DNER: variants seen among roughly 807,000 people sequenced by gnomAD.
DNER encodes delta/notch like EGF repeat containing.
A neutral mutation model predicts 78.2 loss-of-function variants in DNER; 33 were observed. The ratio of observed to expected loss-of-function variants is 0.42; its 90% CI spans 0.32 to 0.56. DNER has a LOEUF of 0.56. Ranked by LOEUF, DNER falls within the 20% of genes least tolerant of loss-of-function variation. DNER has a pLI of 0.11. For synonymous variants in DNER, 417 were observed against 384.8 expected (o/e 1.08, Z -0.98); for missense variants, 918 against 975.3 (o/e 0.94, Z 0.78).
intron 1 of DNER, among the ~76,000 whole-genome samples, chr2:229,703,579 C>G (rs977548624): frequency 6.6e-6 from 1 of 152,102 alleles, no homozygotes; most frequent in Non-Finnish European, 1.5e-5. Flanking sequence ...TTTGAAAGAC[C>G]TTGTTAAGAA....
intron 4 of DNER, among the ~76,000 whole-genome samples, chr2:229,549,272 C>T (rs777156484): frequency 1.3e-5 from 2 of 152,120 alleles, no homozygotes; most frequent in African/African-American, 2.4e-5. Context: ...AACACTTATT[C>T]GATCTTGTGT....
intron 1 of DNER, among the ~76,000 whole-genome samples, chr2:229,650,313 G>A (rs1698793645): frequency 6.6e-6 from 1 of 152,124 alleles, no homozygotes; most frequent in South Asian, 2.1e-4. Context: ...AAGTATCAGA[G>A]CCCAGGTTTT....
chr2:229,388,963 C>A (rs55841748), intron 10 of DNER, among the ~76,000 whole-genome samples: 5,480 of 151,978 alleles, frequency 0.036, 147 homozygotes, highest in Non-Finnish European at 0.061. Context: ...GTGCACCCAG[C>A]CTGAGGCAAT....
intron 1 of DNER, among the ~76,000 whole-genome samples, chr2:229,596,085 G>T (rs1697708826): frequency 1.3e-5 from 2 of 151,642 alleles, no homozygotes; most frequent in African/African-American, 4.8e-5. Context: ...GCTTTTTGAG[G>T]TCCAATTTCT....
chr2:229,506,115 C>T (rs1431081927), intron 6 of DNER, among the ~76,000 whole-genome samples: 1 of 152,116 alleles, frequency 6.6e-6, no homozygotes, highest in Non-Finnish European at 1.5e-5. Flanking sequence ...TGTTCTCATG[C>T]TGCTATGAAG....
intron 1 of DNER, among the ~76,000 whole-genome samples, chr2:229,651,276 T>C (rs1458076751): frequency 2.0e-5 from 3 of 152,156 alleles, no homozygotes; most frequent in African/African-American, 4.8e-5. Flanking sequence ...TTAATGAGAG[T>C]CCATTTCTGT....
At chr2:229,504,347 G>A (rs963904551) in intron 6 of DNER, among the ~76,000 whole-genome samples, 1 of 152,116 alleles carries the variant, frequency 6.6e-6, no homozygotes, top group Non-Finnish European at 1.5e-5. Context: ...AGCCTCCCAA[G>A]TAACTAAGAT....
At chr2:229,516,248 TAA>T (rs1343106875) in intron 5 of DNER, among the ~76,000 whole-genome samples, 2 of 152,204 alleles carry the variant, frequency 1.3e-5, no homozygotes, top group Non-Finnish European at 2.9e-5. Context: ...CCTATAATAT[TAA>T]AAAGTTTGTT....
chr2:229,610,994 T>C (rs1158069908), intron 1 of DNER, among the ~76,000 whole-genome samples: 2 of 152,234 alleles, frequency 1.3e-5, no homozygotes, highest in Non-Finnish European at 2.9e-5. Context: ...GTTTCAACAT[T>C]AGATCCTGTT....
At chr2:229,669,091 T>C (rs955197994) in intron 1 of DNER, among the ~76,000 whole-genome samples, 1 of 151,976 alleles carries the variant, frequency 6.6e-6, no homozygotes, top group African/African-American at 2.4e-5. Flanking sequence ...CTGGAAACCA[T>C]CATTCTCAGC....
intron 5 of DNER, among the ~76,000 whole-genome samples, chr2:229,520,208 C>T (rs998439690): frequency 1.3e-5 from 2 of 152,202 alleles, no homozygotes; most frequent in Non-Finnish European, 2.9e-5. Flanking sequence ...GGCACAGGAT[C>T]TTCTCCTCCT....
intron 1 of DNER, among the ~76,000 whole-genome samples, chr2:229,657,957 T>C (rs1698939833): frequency 6.6e-6 from 1 of 152,136 alleles, no homozygotes; most frequent in African/African-American, 2.4e-5. Context: ...TTATAGGCCT[T>C]AAAAACATGT....
At chr2:229,631,229 A>G (rs1039229921) in intron 1 of DNER, among the ~76,000 whole-genome samples, 5 of 148,376 alleles carry the variant, frequency 3.4e-5, no homozygotes, top group East Asian at 2.0e-4. Context: ...ACCTGCAGGG[A>G]AAAAAAAAAC....
intron 1 of DNER, among the ~76,000 whole-genome samples, chr2:229,678,681 C>T (rs1699337207): frequency 6.6e-6 from 1 of 152,148 alleles, no homozygotes; most frequent in Admixed American, 6.5e-5. Context: ...ATAATTCACA[C>T]CTTAGCACCA....
chr2:229,495,099 C>G (rs1695472817), intron 6 of DNER, among the ~76,000 whole-genome samples: 1 of 152,152 alleles, frequency 6.6e-6, no homozygotes, highest in Non-Finnish European at 1.5e-5. Flanking sequence ...TCCGTTTTAG[C>G]TTAACAATTT....
intron 1 of DNER, among the ~76,000 whole-genome samples, chr2:229,628,428 T>C (rs1449452779): frequency 1.3e-5 from 2 of 152,136 alleles, no homozygotes; most frequent in Non-Finnish European, 2.9e-5. Flanking sequence ...GGGTAATTTG[T>C]TACACAGAAA....
intron 7 of DNER, among the ~76,000 whole-genome samples, chr2:229,462,912 C>T (rs1455358662): frequency 6.6e-6 from 1 of 152,050 alleles, no homozygotes; most frequent in Non-Finnish European, 1.5e-5. Flanking sequence ...GCTGCTGCTC[C>T]TACCTGCTTA....
At chr2:229,491,315 G>A (rs898205910) in intron 6 of DNER, among the ~76,000 whole-genome samples, 2 of 152,056 alleles carry the variant, frequency 1.3e-5, no homozygotes, top group Non-Finnish European at 2.9e-5. Flanking sequence ...CCTCATAGAC[G>A]GCACCTTCGA....
At position 229,544,183 on chromosome 2, in the gene DNER, T is replaced by C. The variant is rs1696573009; in HGVS notation, c.993+2764A>G. 2.6e-5 allele frequency among the ~76,000 whole-genome samples: 4 copies of C among 152,356 alleles called. No individual in the cohort carries two copies. In the South Asian group the frequency reaches 8.3e-4, roughly 32 times the overall value. On this transcript the variant is annotated intron_variant, in intron 5 of 12. Coordinates refer to ENST00000341772, the MANE Select transcript of DNER (RefSeq NM_139072.4). ...AACACTGAGTGTCCTTCACATTTTT[T>C]TCCCATAAAGTATGTTGATACATGA...
Sources: gnomAD v4.1 joint callset for allele counts (sites outside exome capture counted in the v4.1 genomes callset) on GRCh38, gnomAD v4.1.1 for gene constraint, MANE v1.5 for transcripts, NCBI Gene and HGNC (gene_info 2026-07-23, HGNC 2026-07-21) for gene names.